The following LYPD6B variants were observed in gnomAD, a reference collection of about 807,000 sequenced individuals.
LYPD6B encodes the protein LY6/PLAUR domain containing 6B.
A neutral mutation model predicts 22.8 loss-of-function variants in LYPD6B; 17 were observed. The observed-to-expected ratio is 0.75, with a 90% CI of 0.51 to 1.12. The LOEUF (loss-of-function observed/expected upper bound fraction) is 1.12, where lower values mean the gene tolerates loss of function less well. Among genes scored for constraint, LYPD6B ranks in the 50% most tolerant of loss-of-function variants. LYPD6B has a pLI of 0.00. For missense variants in LYPD6B, 221 were observed against 258.3 expected (o/e 0.86, Z 0.99); for synonymous variants, 106 against 91.6 (o/e 1.16, Z -0.90).
At chr2:149,126,526 C>T (rs148889149) in intron 1 of LYPD6B, among the ~76,000 whole-genome samples, 33 of 151,844 alleles carry the variant, frequency 2.2e-4, no homozygotes, top group South Asian at 8.3e-4. Context: ...GTGAAAAGTA[C>T]GGATAAAGGT....
intron 3 of LYPD6B, among the ~76,000 whole-genome samples, chr2:149,204,319 T>C (rs1468574739): frequency 6.6e-6 from 1 of 152,174 alleles, no homozygotes; most frequent in Non-Finnish European, 1.5e-5. Flanking sequence ...AGTCTTCGGG[T>C]TCCCGGTTAC....
chr2:149,064,539 A>G (rs1684237035), intron 1 of LYPD6B, among the ~76,000 whole-genome samples: 1 of 152,256 alleles, frequency 6.6e-6, no homozygotes, highest in Admixed American at 6.5e-5. Flanking sequence ...ATAGTATTAT[A>G]TTAGGACACT....
Position 149,051,936 on chromosome 2 carries a change from A to G in LYPD6B, c.-67+13135A>G, listed in dbSNP as rs547296874. On this transcript the variant is annotated intron_variant, in intron 1 of 6. Transcript: ENST00000409642. ...CCGCCTAATCCCAGCACTTTGGGCT[A>G]TATTATTTTTAAGGCTTTGGATATA... Among the ~76,000 whole-genome samples the G allele has an allele frequency of 1.1e-4, 16 of 151,906 alleles. 1 individual carries two copies. Among genetic ancestry groups the G allele is most frequent in the African/African-American group, 2.9e-4 (12 of 41,448 alleles).
chr2:149,120,361 G>GTGTATATATATATATA (rs796413041), intron 1 of LYPD6B, among the ~76,000 whole-genome samples: 1 of 38,758 alleles, frequency 2.6e-5, no homozygotes, highest in African/African-American at 1.8e-4. Flanking sequence ...GTGTGTGTGT[G>GTGTATATATATATATA]TATATATATA....
intron 1 of LYPD6B, among the ~76,000 whole-genome samples, chr2:149,042,540 G>C (rs1001960204): frequency 2.6e-5 from 4 of 152,214 alleles, no homozygotes. Context: ...ATCACTGGAA[G>C]AATGTGAGGG....
At chr2:149,120,361 G>GTATATATATA (rs764587788) in intron 1 of LYPD6B, among the ~76,000 whole-genome samples, 12 of 38,758 alleles carry the variant, frequency 3.1e-4, no homozygotes, top group African/African-American at 1.2e-3. Context: ...GTGTGTGTGT[G>GTATATATATA]TATATATATA....
At chr2:149,097,736 T>C (rs1448407843) in intron 1 of LYPD6B, among the ~76,000 whole-genome samples, 2 of 152,226 alleles carry the variant, frequency 1.3e-5, no homozygotes, top group African/African-American at 4.8e-5. Flanking sequence ...CAGAGATTTA[T>C]ACGAAGTTAC....
intron 1 of LYPD6B, among the ~76,000 whole-genome samples, chr2:149,070,562 A>G (rs552256269): frequency 5.3e-5 from 8 of 152,300 alleles, no homozygotes; most frequent in African/African-American, 1.9e-4. Context: ...TAAGTGCTCA[A>G]TAAATAATGG....
chr2:149,063,992 G>A (rs570919385), intron 1 of LYPD6B, among the ~76,000 whole-genome samples: 4 of 152,306 alleles, frequency 2.6e-5, no homozygotes, highest in Non-Finnish European at 4.4e-5. Context: ...AGAAGAAAAG[G>A]GCAAGGGCCA....
At chr2:149,213,280 C>T (rs544077366) in intron 6 of LYPD6B, among the ~76,000 whole-genome samples, 158 bp downstream of exon 6, 1 of 152,080 alleles carries the variant, frequency 6.6e-6, no homozygotes, top group African/African-American at 2.4e-5. Flanking sequence ...AGAACAGACT[C>T]CATACAAAGG....
intron 1 of LYPD6B, among the ~76,000 whole-genome samples, chr2:149,080,286 A>C (rs1685066083): frequency 6.6e-6 from 1 of 152,034 alleles, no homozygotes; most frequent in African/African-American, 2.4e-5. Flanking sequence ...GTCTGAATTT[A>C]CCCTTCTGTG....
chr2:149,070,965 A>G (rs1684577164), intron 1 of LYPD6B, among the ~76,000 whole-genome samples: 1 of 152,194 alleles, frequency 6.6e-6, no homozygotes, highest in African/African-American at 2.4e-5. Context: ...CTTGGCACTG[A>G]GATTCCATTA....
chr2:149,141,318 C>T (rs560231008), intron 2 of LYPD6B, among the ~76,000 whole-genome samples: 10 of 152,162 alleles, frequency 6.6e-5, no homozygotes, highest in South Asian at 2.1e-4. Flanking sequence ...TTGGTGCATC[C>T]GCGTGGAGTA....
chr2:149,170,611 A>T (rs1181621044), intron 3 of LYPD6B, among the ~76,000 whole-genome samples: 2 of 152,228 alleles, frequency 1.3e-5, no homozygotes, highest in Non-Finnish European at 2.9e-5. Context: ...TATATTTATT[A>T]CAGATCTAGA....
intron 1 of LYPD6B, among the ~76,000 whole-genome samples, chr2:149,106,161 T>G (rs1417455224): frequency 6.6e-6 from 1 of 152,130 alleles, no homozygotes; most frequent in Non-Finnish European, 1.5e-5. Flanking sequence ...CATGATATAT[T>G]GTTTTATGTA....
At chr2:149,183,015 A>G (rs1224715412) in intron 3 of LYPD6B, among the ~76,000 whole-genome samples, 2 of 152,222 alleles carry the variant, frequency 1.3e-5, no homozygotes, top group Non-Finnish European at 2.9e-5. Context: ...GATAACTAGA[A>G]TATCTTTAGG....
chr2:149,060,230 TC>T (rs1391669564), intron 1 of LYPD6B, among the ~76,000 whole-genome samples: 2 of 152,134 alleles, frequency 1.3e-5, no homozygotes, highest in Admixed American at 6.6e-5. Flanking sequence ...CAGCTCCAGG[TC>T]CAGGTGACTG....
chr2:149,087,436 C>T (rs770775473), intron 1 of LYPD6B, among the ~76,000 whole-genome samples: 8 of 152,128 alleles, frequency 5.3e-5, no homozygotes, highest in Non-Finnish European at 1.2e-4. Flanking sequence ...TTTGACGGCT[C>T]ATGCCTGTAA....
At chr2:149,124,360 A>G (rs1245398241) in intron 1 of LYPD6B, among the ~76,000 whole-genome samples, 1 of 152,226 alleles carries the variant, frequency 6.6e-6, no homozygotes, top group Non-Finnish European at 1.5e-5. Flanking sequence ...AATTGTTATC[A>G]ATGCTCAGGG....
Sources: gnomAD v4.1 joint callset for allele counts (sites outside exome capture counted in the v4.1 genomes callset) on GRCh38, gnomAD v4.1.1 for gene constraint, MANE v1.5 for transcripts, NCBI Gene and HGNC (gene_info 2026-07-23, HGNC 2026-07-21) for gene names.